USP24: variants seen among roughly 807,000 people sequenced by gnomAD.
USP24 encodes the protein ubiquitin specific peptidase 24, also known as ubiquitin carboxyl-terminal hydrolase 24.
Under a neutral mutation model 361.6 loss-of-function variants are expected in USP24, and 97 were observed. The ratio of observed to expected loss-of-function variants is 0.27; its 90% CI spans 0.23 to 0.32. USP24 has a LOEUF of 0.32. Among genes scored for constraint, USP24 ranks in the 10% least tolerant of loss-of-function variants. USP24 has a pLI of 1.00. For synonymous variants in USP24, 1,098 were observed against 1,124.6 expected, an observed-to-expected ratio of 0.98 and a Z score of 0.47; for missense variants, 2,353 against 3,165.6, an observed-to-expected ratio of 0.74 and a Z score of 6.16.
chr1:55,092,868 T>C lies in USP24; in HGVS notation c.6403A>G (p.Ser2135Gly). ...LKFMKNRDVY[S>G]SDYFSFVLSL... is the part of the protein sequence containing the mutation. ...AAAACAAAACTGAAATAATCACTAC[T>C]GTATACATCTCTATTCTTCATAAAC... is the stretch of plus-strand genomic sequence containing the variant. The change falls in exon 53 of 68, where the codon AGT becomes GGT. Residue 2135 changes from serine to glycine, a missense_variant. By Grantham distance (56) the Ser-to-Gly change is moderately conservative. This residue lies in a region of USP24 where 598 missense variants were observed against 761.9 expected (regional missense o/e 0.78). Transcript: ENST00000294383. 6.3e-7 allele frequency: 1 copy of C among 1,598,700 alleles called. No homozygotes were observed. Among genetic ancestry groups the C allele is most frequent in the Non-Finnish European group, 8.5e-7 (1 of 1,174,354 alleles).
intron 38 of USP24, among the ~76,000 whole-genome samples, chr1:55,110,955 A>G (rs1291328249): frequency 1.3e-5 from 2 of 152,130 alleles, no homozygotes; most frequent in African/African-American, 4.8e-5. Flanking sequence ...TTCAAGCACA[A>G]ACTAATGAGG....
In USP24 at chr1:55,202,306, C is replaced by T. The variant is rs116806206; in HGVS notation, c.324+12484G>A. ...ATTACTGTGTTTGATACACAGAGAA[C>T]GAAAAGGCTATTTTAAGAAACTAAA... On this transcript the variant is annotated intron_variant, in intron 1 of 67. Coordinates refer to ENST00000294383, the MANE Select transcript of USP24 (RefSeq NM_015306.3). 4.4e-4 allele frequency among the ~76,000 whole-genome samples: 67 copies of T among 152,140 alleles called. 1 individual carries two copies. The highest frequency in any genetic ancestry group is 1.3e-3 in the African/African-American group (56 of 41,506).
chr1:55,179,242 T>A (rs961414959), intron 1 of USP24, among the ~76,000 whole-genome samples: 3 of 152,150 alleles, frequency 2.0e-5, no homozygotes, highest in Non-Finnish European at 4.4e-5. Flanking sequence ...AACAGCACAC[T>A]CTCTGTTCTC....
intron 1 of USP24, among the ~76,000 whole-genome samples, chr1:55,212,933 C>G (rs180967286): frequency 1.3e-5 from 2 of 152,292 alleles, no homozygotes; most frequent in Admixed American, 1.3e-4. Flanking sequence ...AAGCCACTCC[C>G]AATTCTTTGT....
intron 1 of USP24, among the ~76,000 whole-genome samples, chr1:55,202,526 T>A (rs1644603210): frequency 6.6e-6 from 1 of 151,978 alleles, no homozygotes; most frequent in African/African-American, 2.4e-5. Flanking sequence ...TGCCTCAGCC[T>A]CCTGAATAGC....
chr1:55,078,460 G>A, intron 61 of USP24, 78 bp downstream of exon 61: 1 of 1,137,470 alleles, frequency 8.8e-7, no homozygotes, highest in Non-Finnish European at 1.2e-6. Flanking sequence ...CAAGCATACT[G>A]CCTTGGAGCA....
Position 55,068,912 on chromosome 1 carries a change from C to G in USP24, c.*133G>C. On this transcript the variant is annotated 3_prime_UTR_variant, in exon 68 of 68. Coordinates refer to ENST00000294383, the MANE Select transcript of USP24 (RefSeq NM_015306.3). Reference sequence around the variant, plus strand: ...AAAAATGCTTTCCTTGAGAAATACACGATCCGCCCAAGTCACAGCAGCTTT... The same window carrying G: ...AAAAATGCTTTCCTTGAGAAATACAGGATCCGCCCAAGTCACAGCAGCTTT... 1.1e-6 allele frequency: 1 copy of G among 930,652 alleles called. No individual in the cohort carries two copies. The highest frequency in any genetic ancestry group is 2.5e-5 in the Admixed American group (1 of 39,868). The allele number at this position is 930,652 out of a possible 1,614,324, so 57.6% of individuals were successfully genotyped here. A position where few individuals can be genotyped will look rare whatever the true frequency, so the allele number is the denominator to read the frequency against.
At chr1:55,129,665 G>C (rs1176723725) in intron 31 of USP24, 91 bp from the exon 32 acceptor site, 1 of 1,002,872 alleles carries the variant, frequency 1.0e-6, no homozygotes, top group East Asian at 2.5e-5. Context: ...ACTTGAGTTA[G>C]AATCTCTTTA....
rs904922163 is a variant in USP24, at chr1:55,101,847, T to G, written c.5026-144A>C. 6.6e-6 allele frequency: 7 copies of G among 1,053,518 alleles called. No homozygotes were observed. In the African/African-American group the frequency reaches 1.2e-4, roughly 17 times the overall value. The allele number at this position is 1,053,518 out of a possible 1,614,324, so 65.3% of individuals were successfully genotyped here. On this transcript the variant is annotated intron_variant, in intron 42 of 67. Coordinates refer to ENST00000294383, the MANE Select transcript of USP24 (RefSeq NM_015306.3). ...GAAAGCTATGCTGGCAAAACCTATG[T>G]TCATGAAGTACCTCTGCAGATGCTG...
chr1:55,166,418 A>C (rs958791375), intron 6 of USP24, 150 bp downstream of exon 6: 1 of 774,426 alleles, frequency 1.3e-6, no homozygotes, highest in Non-Finnish European at 2.1e-6. Flanking sequence ...TTGTACATAC[A>C]AAAAAAGGAA....
intron 21 of USP24, 69 bp downstream of exon 21, chr1:55,144,058 T>C (rs1293229057): frequency 3.1e-6 from 4 of 1,303,396 alleles, no homozygotes; most frequent in Non-Finnish European, 3.1e-6. Flanking sequence ...TATAACACTT[T>C]TTTTTTTGCT....
chr1:55,196,613 T>A (rs981958201), intron 1 of USP24, among the ~76,000 whole-genome samples: 5 of 152,212 alleles, frequency 3.3e-5, no homozygotes, highest in African/African-American at 1.2e-4. Context: ...CAGTACAGAC[T>A]TCTTCTCTGG....
At chr1:55,083,735 T>C (rs1207551487) in intron 57 of USP24, 37 bp downstream of exon 57, 2 of 1,472,362 alleles carry the variant, frequency 1.4e-6, no homozygotes, top group Non-Finnish European at 1.8e-6. Context: ...ATAAATCTTC[T>C]GTATTAGGAA....
chr1:55,095,836 C>A (rs1203690296), intron 50 of USP24, among the ~76,000 whole-genome samples: 1 of 152,206 alleles, frequency 6.6e-6, no homozygotes, highest in Non-Finnish European at 1.5e-5. Context: ...TTAAAGGTTA[C>A]CACCATAAGA....
intron 40 of USP24, among the ~76,000 whole-genome samples, 189 bp from the exon 41 acceptor site, chr1:55,106,452 G>A (rs146702664): frequency 6.6e-6 from 1 of 152,248 alleles, no homozygotes; most frequent in East Asian, 1.9e-4. Context: ...ACTACAAAGG[G>A]GACAGAATAC....
chr1:55,126,254 T>C (rs899550560), intron 32 of USP24, among the ~76,000 whole-genome samples: 1 of 152,212 alleles, frequency 6.6e-6, no homozygotes, highest in African/African-American at 2.4e-5. Flanking sequence ...ACCAGGCAGG[T>C]CCCCACGCAT....
At chr1:55,110,012 A>C (rs1327568654) in intron 39 of USP24, among the ~76,000 whole-genome samples, 173 bp downstream of exon 39, 3 of 152,242 alleles carry the variant, frequency 2.0e-5, no homozygotes, top group African/African-American at 7.2e-5. Context: ...ACAGAAGAAG[A>C]GCTCACTGGT....
chr1:55,200,083 G>A (rs766371918), intron 1 of USP24, among the ~76,000 whole-genome samples: 2 of 152,190 alleles, frequency 1.3e-5, no homozygotes, highest in Non-Finnish European at 1.5e-5. Flanking sequence ...ATCTCCCACT[G>A]GGTCCCTCGC....
chr1:55,138,551 C>G, intron 26 of USP24, 57 bp downstream of exon 26: 1 of 1,310,518 alleles, frequency 7.6e-7, no homozygotes, highest in South Asian at 1.3e-5. Flanking sequence ...ATCAAGACTG[C>G]TTTATGAAAA....
Sources: allele counts gnomAD v4.1 joint callset (sites outside exome capture counted in the v4.1 genomes callset), GRCh38; gene constraint gnomAD v4.1.1; regional missense constraint gnomAD v4.1.1; transcripts MANE v1.5; gene names NCBI Gene and HGNC (gene_info 2026-07-23, HGNC 2026-07-21).